LIMS2: variants seen among roughly 807,000 people sequenced by gnomAD.
LIMS2 encodes the protein LIM and senescent cell antigen-like-containing domain protein 2.
A neutral mutation model predicts 45.3 loss-of-function variants in LIMS2; 30 were observed. The ratio of observed to expected loss-of-function variants is 0.66; its 90% CI spans 0.50 to 0.90. The LOEUF (loss-of-function observed/expected upper bound fraction) is 0.90, where lower values mean the gene tolerates loss of function less well. Ranked by LOEUF, LIMS2 falls within the 40% of genes least tolerant of loss-of-function variation. The pLI is 0.00. For synonymous variants in LIMS2, 173 were observed against 188.0 expected (o/e 0.92, Z 0.65); for missense variants, 485 against 468.7 (o/e 1.03, Z -0.32).
intron 1 of LIMS2, among the ~76,000 whole-genome samples, chr2:127,658,263 G>A (rs1020918036): frequency 6.6e-6 from 1 of 152,230 alleles, no homozygotes. Context: ...GCCAGGTGTG[G>A]TGGTGCAAGC....
At chr2:127,661,463 C>T (rs1313475616) in intron 1 of LIMS2, among the ~76,000 whole-genome samples, 2 of 152,222 alleles carry the variant, frequency 1.3e-5, no homozygotes, top group Admixed American at 6.5e-5. Context: ...GCCTGCGGTC[C>T]CTGCGAGAGG....
intron 1 of LIMS2, among the ~76,000 whole-genome samples, chr2:127,669,597 A>G (rs553904944): frequency 4.1e-4 from 63 of 152,130 alleles, no homozygotes; most frequent in Non-Finnish European, 5.4e-4. Flanking sequence ...ACACGCCTGT[A>G]GTCCCAGCTA....
intron 2 of LIMS2, 139 bp from the exon 3 acceptor site, chr2:127,655,035 G>A: frequency 1.2e-6 from 1 of 804,408 alleles, no homozygotes; most frequent in Non-Finnish European, 2.1e-6. Flanking sequence ...CTGGAGCAGT[G>A]GGTCCCAGGC....
rs1558868180 is a variant in LIMS2, at chr2:127,641,852, C to T, written c.660+197G>A. The T allele has an allele frequency of 1.8e-5, 10 of 562,248 alleles. 1 individual carries two copies. In the South Asian group the frequency reaches 2.3e-4, roughly 13 times the overall value. 34.8% of individuals were successfully genotyped at this position (562,248 alleles called of 1,614,324 possible). The stretch of plus-strand genomic sequence containing the variant: ...AGCTACCCAACCGTGTGTGTGCACT[C>T]GGGTCTCCTGGCTCCCGTGGGCAGG... On this transcript the variant is annotated intron_variant, in intron 6 of 9. Coordinates refer to ENST00000355119, the MANE Select transcript of LIMS2 (RefSeq NM_001161403.3).
chr2:127,641,317 G>A (rs67076363), intron 6 of LIMS2: 49,889 of 266,278 alleles, frequency 0.19, 6,182 homozygotes, highest in African/African-American at 0.39. Flanking sequence ...CTCAGCCCCA[G>A]GAGTCAGGTG....
chr2:127,642,108 A>G lies in LIMS2; in HGVS notation c.601T>C (p.Cys201Arg). The G allele has an allele frequency of 1.2e-6, 2 of 1,608,660 alleles. No individual in the cohort carries two copies. Among genetic ancestry groups the G allele is most frequent in the Non-Finnish European group, 1.7e-6 (2 of 1,177,574 alleles). ...ACTCGGCCCTCGATGGGCCGGCGGC[A>G]GGCCCCGCAGATGGGGACGCCCATC... ...DKMGVPICGA[C>R]RRPIEGRVVN... The change falls in exon 6 of 10, where the codon TGC (cysteine) becomes CGC (arginine). Residue 201 changes from cysteine to arginine, a missense_variant. Cys to Arg is a radical substitution (Grantham distance 180, BLOSUM62 -3). Transcript: ENST00000355119. The surrounding 1 kb of genome is among the most constrained non-coding windows in gnomAD (Gnocchi z 5.3).
At chr2:127,658,842 G>A (rs1684432199) in intron 1 of LIMS2, among the ~76,000 whole-genome samples, 1 of 152,198 alleles carries the variant, frequency 6.6e-6, no homozygotes, top group Admixed American at 6.5e-5. Flanking sequence ...CCGGGTGGTG[G>A]CAGGACTCGA....
chr2:127,663,512 C>T (rs891497633), intron 1 of LIMS2, among the ~76,000 whole-genome samples: 1 of 152,210 alleles, frequency 6.6e-6, no homozygotes, highest in African/African-American at 2.4e-5. Flanking sequence ...CCTGACCACA[C>T]ACAAGGAGCT....
intron 4 of LIMS2, among the ~76,000 whole-genome samples, chr2:127,648,875 C>T (rs1444715644): frequency 6.7e-6 from 1 of 148,548 alleles, no homozygotes; most frequent in Non-Finnish European, 1.5e-5. Context: ...GAGCTGATTG[C>T]ACCACTGCAC....
In LIMS2 at chr2:127,650,907, C is replaced by T. The variant is rs757560269; in HGVS notation, c.359+3517G>A. ...TACCCTGGCTCTGTGGCTTTTCATCCGAGACCACAAGTCCGGGACCCCGGC... is the reference window on the plus strand; with the variant it reads ...TACCCTGGCTCTGTGGCTTTTCATCTGAGACCACAAGTCCGGGACCCCGGC... On this transcript the variant is annotated intron_variant, in intron 4 of 9. Transcript: ENST00000355119. 1.4e-5 allele frequency: 23 copies of T among 1,613,934 alleles called. No homozygotes were observed. The Admixed American group carries it at 1.5e-4, about 11-fold the overall frequency.
chr2:127,650,505 T>C lies in LIMS2; in HGVS notation c.359+3919A>G, dbSNP rs1558880455. 5.3e-6 allele frequency: 3 copies of C among 571,416 alleles called. No individual in the cohort carries two copies. The South Asian group carries it at 7.0e-5, about 13-fold the overall frequency. The allele number at this position is 571,416 out of a possible 1,614,324, so 35.4% of individuals were successfully genotyped here. On this transcript the variant is annotated intron_variant, in intron 4 of 9. Transcript: ENST00000355119. ...ATAGCGGCGAAATTCCAAGCCCTGG[T>C]TCTGCGTTTGCCTTGTGCTGAAGTT...
intron 1 of LIMS2, among the ~76,000 whole-genome samples, chr2:127,665,721 A>G (rs1342840773): frequency 6.6e-6 from 1 of 152,218 alleles, no homozygotes; most frequent in Non-Finnish European, 1.5e-5. Context: ...AGTCAATGCC[A>G]TAGGGCCTAG....
chr2:127,650,860 T>TTATCCTGGCTTTAGTTGGCAA (rs1558881222), intron 4 of LIMS2: 1 of 1,614,156 alleles, frequency 6.2e-7, no homozygotes. Flanking sequence ...CTTCTGGATT[T>TTATCCTGGCTTTAGTTGGCAA]TATCCTGGCT....
At chr2:127,654,587 G>T in intron 3 of LIMS2, 43 bp from the exon 4 acceptor site, 1 of 1,613,414 alleles carries the variant, frequency 6.2e-7, no homozygotes, top group Non-Finnish European at 8.5e-7. Flanking sequence ...GCACGTGCCT[G>T]TCCCCTCTTC....
chr2:127,651,343 T>C, intron 4 of LIMS2: 1 of 1,611,736 alleles, frequency 6.2e-7, no homozygotes, highest in Admixed American at 1.7e-5. Context: ...GCCTTCACCT[T>C]CCCGTTCATC....
intron 1 of LIMS2, among the ~76,000 whole-genome samples, chr2:127,662,637 G>A (rs1446666620): frequency 3.8e-5 from 3 of 79,774 alleles, no homozygotes; most frequent in South Asian, 4.3e-4. Flanking sequence ...TGTGGGGTGG[G>A]GGGTGGGGGG....
At chr2:127,658,927 G>A (rs771425769) in intron 1 of LIMS2, among the ~76,000 whole-genome samples, 18 of 152,178 alleles carry the variant, frequency 1.2e-4, no homozygotes, top group Non-Finnish European at 2.2e-4. Context: ...TCACTGCCGC[G>A]ACATCATGAG....
intron 1 of LIMS2, among the ~76,000 whole-genome samples, chr2:127,670,744 CTGGGG>C: frequency 6.6e-6 from 1 of 152,332 alleles, no homozygotes; most frequent in East Asian, 1.9e-4. Flanking sequence ...CCCCAAGGCC[CTGGGG>C]CACGTGCCCT....
At chr2:127,670,458 G>C (rs886355665) in intron 1 of LIMS2, among the ~76,000 whole-genome samples, 1 of 152,234 alleles carries the variant, frequency 6.6e-6, no homozygotes, top group Non-Finnish European at 1.5e-5. Context: ...CAGGTTACTG[G>C]TGGCCAGGGC....
Sources: allele counts gnomAD v4.1 joint callset (sites outside exome capture counted in the v4.1 genomes callset), GRCh38; gene constraint gnomAD v4.1.1; non-coding constraint Gnocchi (gnomAD v3.1); transcripts MANE v1.5; gene names NCBI Gene and HGNC (gene_info 2026-07-23, HGNC 2026-07-21).